The following KLHL1 variants were observed in gnomAD, a reference collection of about 807,000 sequenced individuals.
The protein encoded by KLHL1 is kelch-like protein 1.
A neutral mutation model predicts 77.7 loss-of-function variants in KLHL1; 47 were observed. That is an observed-to-expected ratio of 0.60 (90% confidence interval 0.48 to 0.77). The LOEUF (loss-of-function observed/expected upper bound fraction) is 0.77. Ranked by LOEUF, KLHL1 falls within the 30% of genes least tolerant of loss-of-function variation. The pLI is 0.00. For missense variants in KLHL1, 925 were observed against 910.8 expected (o/e 1.02, Z -0.20); for synonymous variants, 360 against 325.2 (o/e 1.11, Z -1.15).
intron 3 of KLHL1, among the ~76,000 whole-genome samples, chr13:69,945,994 AAAAAT>A (rs1371692941): frequency 2.0e-5 from 3 of 152,314 alleles, no homozygotes; most frequent in East Asian, 1.9e-4. Context: ...TCATAATAAT[AAAAAT>A]AAAATAATTA....
At chr13:69,935,207 T>TACTGGTGAACTTGGTACATAGCTCACCC (rs1883142650) in intron 4 of KLHL1, among the ~76,000 whole-genome samples, 1 of 118,426 alleles carries the variant, frequency 8.4e-6, no homozygotes, top group Non-Finnish European at 1.7e-5. Flanking sequence ...ACATAGTTGG[T>TACTGGTGAACTTGGTACATAGCTCACCC]ACTGGTGAAC....
chr13:69,713,488 A>T (rs1002253173), intron 9 of KLHL1, among the ~76,000 whole-genome samples: 4 of 152,120 alleles, frequency 2.6e-5, no homozygotes, highest in African/African-American at 9.7e-5. Flanking sequence ...TAATGACTAG[A>T]TATTGACTTT....
intron 6 of KLHL1, among the ~76,000 whole-genome samples, chr13:69,823,064 C>T (rs17085439): frequency 0.045 from 6,780 of 152,210 alleles, 205 homozygotes; most frequent in African/African-American, 0.076. Flanking sequence ...GACATAGAAG[C>T]CTCACCTCCG....
At chr13:70,028,486 C>T (rs142966357) in intron 1 of KLHL1, among the ~76,000 whole-genome samples, 1 of 152,128 alleles carries the variant, frequency 6.6e-6, no homozygotes, top group Non-Finnish European at 1.5e-5. Context: ...AAGAGACCCA[C>T]GGCAATTCAA....
chr13:69,719,209 TGAGAGAGA>T (rs1555300511), intron 9 of KLHL1, among the ~76,000 whole-genome samples, 152 bp downstream of exon 9: 3 of 36,920 alleles, frequency 8.1e-5, no homozygotes, highest in African/African-American at 1.6e-4. Flanking sequence ...TGTGTGTGTG[TGAGAGAGA>T]GAGAGAGAGA....
chr13:69,788,729 G>A (rs1253878957), intron 7 of KLHL1, among the ~76,000 whole-genome samples: 1 of 152,100 alleles, frequency 6.6e-6, no homozygotes, highest in East Asian at 1.9e-4. Flanking sequence ...GATAGACAGT[G>A]TATAAATAAT....
At chr13:69,908,522 C>CA (rs1882119883) in intron 4 of KLHL1, among the ~76,000 whole-genome samples, 1 of 144,362 alleles carries the variant, frequency 6.9e-6, no homozygotes, top group Non-Finnish European at 1.5e-5. Flanking sequence ...ATCTAGTATG[C>CA]AAAAAATTTG....
At chr13:69,850,355 A>AT (rs892724017) in intron 5 of KLHL1, among the ~76,000 whole-genome samples, 1 of 151,470 alleles carries the variant, frequency 6.6e-6, no homozygotes, top group Admixed American at 6.6e-5. Flanking sequence ...TATTTCCAAA[A>AT]TTTGTTTTCC....
chr13:69,961,612 C>T (rs1410725242), intron 2 of KLHL1, among the ~76,000 whole-genome samples, 168 bp from the exon 3 acceptor site: 2 of 152,036 alleles, frequency 1.3e-5, no homozygotes, highest in East Asian at 3.9e-4. Context: ...AAAAACTCTT[C>T]CCCTAACTTT....
intron 2 of KLHL1, among the ~76,000 whole-genome samples, chr13:69,970,543 G>T (rs74090679): frequency 4.6e-5 from 7 of 152,146 alleles, no homozygotes; most frequent in African/African-American, 1.4e-4. Flanking sequence ...TCAGGAACTG[G>T]ACTTGGCCTA....
intron 1 of KLHL1, among the ~76,000 whole-genome samples, chr13:69,985,792 A>T (rs565962211): frequency 2.7e-4 from 38 of 142,604 alleles, no homozygotes; most frequent in Admixed American, 2.1e-3. Flanking sequence ...ATATATATAT[A>T]TTTTATATAT....
intron 1 of KLHL1, among the ~76,000 whole-genome samples, chr13:70,044,198 G>C (rs1886442425): frequency 6.6e-6 from 1 of 152,012 alleles, no homozygotes; most frequent in African/African-American, 2.4e-5. Flanking sequence ...GAGTCTGTTT[G>C]TATTTTTAGA....
intron 5 of KLHL1, among the ~76,000 whole-genome samples, chr13:69,855,869 ATAT>A (rs1389760543): frequency 1.4e-5 from 2 of 145,194 alleles, no homozygotes; most frequent in Non-Finnish European, 3.0e-5. Flanking sequence ...AATATATTAT[ATAT>A]TATATATGTT....
chr13:69,742,084 C>A (rs1489091360), intron 7 of KLHL1, among the ~76,000 whole-genome samples: 1 of 152,132 alleles, frequency 6.6e-6, no homozygotes, highest in Non-Finnish European at 1.5e-5. Context: ...TTCCTGATTG[C>A]AAGCCTTCAA....
intron 1 of KLHL1, among the ~76,000 whole-genome samples, chr13:70,001,689 C>CTATG: frequency 6.6e-6 from 1 of 150,770 alleles, no homozygotes; most frequent in South Asian, 2.1e-4. Flanking sequence ...ATCTATCTAT[C>CTATG]TATCTATCAT....
At chr13:69,990,477 T>C (rs946146794) in intron 1 of KLHL1, among the ~76,000 whole-genome samples, 6 of 151,622 alleles carry the variant, frequency 4.0e-5, no homozygotes, top group African/African-American at 1.5e-4. Flanking sequence ...TGAAGAAAAA[T>C]CTACCAAGCA....
intron 5 of KLHL1, among the ~76,000 whole-genome samples, chr13:69,860,692 T>A (rs905364605): frequency 6.6e-6 from 1 of 151,870 alleles, no homozygotes; most frequent in Non-Finnish European, 1.5e-5. Flanking sequence ...ATTTTGTACA[T>A]GTTTAAATCA....
chr13:69,869,888 T>C (rs1880514299), intron 5 of KLHL1, among the ~76,000 whole-genome samples: 1 of 152,188 alleles, frequency 6.6e-6, no homozygotes, highest in African/African-American at 2.4e-5. Flanking sequence ...ATTCAAAAGT[T>C]GTGAGTAATG....
chr13:69,705,862 A>G (rs1359976836), intron 10 of KLHL1, among the ~76,000 whole-genome samples: 2 of 151,732 alleles, frequency 1.3e-5, no homozygotes, highest in Admixed American at 6.6e-5. Flanking sequence ...TATTGTTTTG[A>G]TTTCAATTTT....
Sources: allele counts gnomAD v4.1 joint callset (sites outside exome capture counted in the v4.1 genomes callset), GRCh38; gene constraint gnomAD v4.1.1; transcripts MANE v1.5; gene names NCBI Gene and HGNC (gene_info 2026-07-23, HGNC 2026-07-21).